PREP: variants seen among roughly 807,000 people sequenced by gnomAD.
PREP encodes prolyl endopeptidase.
Under a neutral mutation model 87.6 loss-of-function variants are expected in PREP, and 29 were observed. The ratio of observed to expected loss-of-function variants is 0.33; its 90% CI spans 0.25 to 0.45. PREP has a LOEUF of 0.45. Ranked by LOEUF, PREP falls within the 20% of genes least tolerant of loss-of-function variation. The probability of loss-of-function intolerance (pLI) is 1.00; values close to 1 mark genes in which losing one functional copy is unlikely to be tolerated. For missense variants in PREP, 695 were observed against 886.5 expected, an observed-to-expected ratio of 0.78 and a Z score of 2.74; for synonymous variants, 337 against 328.6, an observed-to-expected ratio of 1.03 and a Z score of -0.28.
In PREP at chr6:105,376,264, C is replaced by G; in HGVS notation, c.255-9G>C. The G allele has an allele frequency of 6.2e-7, 1 of 1,611,344 alleles. No individual in the cohort carries two copies. The highest frequency in any genetic ancestry group is 8.5e-7 in the Non-Finnish European group (1 of 1,178,726). ...TGTAAAAATAAAAATACCTGGGGAA[C>G]AGAGATGGTCTTTATTCAGCTGTGG... On this transcript the variant is annotated splice_polypyrimidine_tract_variant and intron_variant, in intron 3 of 14. Transcript: ENST00000652536.
At chr6:105,284,304 C>T (rs964361611) in intron 12 of PREP, among the ~76,000 whole-genome samples, 1 of 152,148 alleles carries the variant, frequency 6.6e-6, no homozygotes, top group Non-Finnish European at 1.5e-5. Context: ...AGTCTGCTGT[C>T]AGCCCCTGGG....
At chr6:105,384,018 G>A (rs945507288) in intron 2 of PREP, among the ~76,000 whole-genome samples, 1 of 152,140 alleles carries the variant, frequency 6.6e-6, no homozygotes, top group African/African-American at 2.4e-5. Flanking sequence ...GAAGAAATAA[G>A]AAAAACAAGA....
In PREP at chr6:105,339,408, A is replaced by G. The variant is rs891324084; in HGVS notation, c.824-5903T>C. ...CACCATCATCAAAGACAAAAGGTAGATAAAACCACAAAGATGGGGAGAAAC... is the reference window on the plus strand; with the variant it reads ...CACCATCATCAAAGACAAAAGGTAGGTAAAACCACAAAGATGGGGAGAAAC... On this transcript the variant is annotated intron_variant, in intron 7 of 14. Transcript: ENST00000652536. 1.4e-4 allele frequency among the ~76,000 whole-genome samples: 21 copies of G among 150,466 alleles called. 1 individual carries two copies. Among genetic ancestry groups the G allele is most frequent in the Admixed American group, 4.6e-4 (7 of 15,092 alleles).
At chr6:105,338,742 C>T (rs1219262881) in intron 7 of PREP, among the ~76,000 whole-genome samples, 1 of 152,236 alleles carries the variant, frequency 6.6e-6, no homozygotes, top group African/African-American at 2.4e-5. Flanking sequence ...GAGATTATAT[C>T]CCGCCCCTGG....
At chr6:105,366,522 G>A (rs1772388055) in intron 6 of PREP, among the ~76,000 whole-genome samples, 1 of 152,206 alleles carries the variant, frequency 6.6e-6, no homozygotes, top group African/African-American at 2.4e-5. Context: ...TGAAAGAATG[G>A]TAGAAGGATC....
intron 2 of PREP, among the ~76,000 whole-genome samples, chr6:105,393,589 C>A (rs1305718301): frequency 1.3e-5 from 2 of 152,110 alleles, no homozygotes; most frequent in African/African-American, 2.4e-5. Flanking sequence ...GCAGCGCTGT[C>A]CAGTAGATAC....
At chr6:105,330,537 G>T (rs1208432048) in intron 8 of PREP, among the ~76,000 whole-genome samples, 1 of 152,098 alleles carries the variant, frequency 6.6e-6, no homozygotes, top group Admixed American at 6.5e-5. Flanking sequence ...AAAACGAAGG[G>T]CAAGCACAGA....
rs746241622 is a variant in PREP at position 105,376,271 on chromosome 6, G to A, written c.255-16C>T. On this transcript the variant is annotated splice_polypyrimidine_tract_variant and intron_variant, in intron 3 of 14. Coordinates refer to ENST00000652536, the MANE Select transcript of PREP (RefSeq NM_002726.5). The stretch of plus-strand genomic sequence containing the variant: ...ATAAAAATACCTGGGGAACAGAGAT[G>A]GTCTTTATTCAGCTGTGGAGTTTTC... The A allele has an allele frequency of 1.2e-6, 2 of 1,610,142 alleles. No individual in the cohort carries two copies. The highest frequency in any genetic ancestry group is 1.1e-5 in the South Asian group (1 of 90,414).
chr6:105,376,401 GGGT>G lies in PREP; in HGVS notation c.255-149_255-147del. 6.0e-6 allele frequency: 5 copies of G among 832,960 alleles called. No individual in the cohort carries two copies. In the South Asian group the frequency reaches 1.0e-4, roughly 17 times the overall value. The allele number at this position is 832,960 out of a possible 1,614,324, so 51.6% of individuals were successfully genotyped here. ...GGCCATCGCAGGGACGTGGGGACAT[GGGT>G]GAAAGGTTCCATCATTTCTCTCTAC... On this transcript the variant is annotated intron_variant, in intron 3 of 14. Coordinates refer to ENST00000652536, the MANE Select transcript of PREP (RefSeq NM_002726.5).
At chr6:105,402,786 G>A (rs1675493721) in intron 1 of PREP, 61 bp downstream of exon 1, 3 of 1,446,364 alleles carry the variant, frequency 2.1e-6, no homozygotes, top group Admixed American at 2.1e-5. Context: ...CGGGTGCCAC[G>A]GGTCAGGCAG....
intron 10 of PREP, 77 bp downstream of exon 10, chr6:105,323,588 T>A (rs1771073502): frequency 7.8e-7 from 1 of 1,286,144 alleles, no homozygotes; most frequent in Non-Finnish European, 1.1e-6. Flanking sequence ...CTGCTTCTGA[T>A]AAGCTACAGT....
intron 10 of PREP, among the ~76,000 whole-genome samples, chr6:105,289,894 A>G (rs1157358615): frequency 1.3e-5 from 2 of 152,130 alleles, no homozygotes; most frequent in Non-Finnish European, 1.5e-5. Context: ...TTTTTAAGGT[A>G]GCAGTTCTGT....
intron 7 of PREP, among the ~76,000 whole-genome samples, chr6:105,341,248 C>G (rs927901214): frequency 2.0e-5 from 3 of 152,180 alleles, no homozygotes; most frequent in African/African-American, 7.2e-5. Flanking sequence ...CAAAACTGCT[C>G]AACTACATGG....
intron 3 of PREP, among the ~76,000 whole-genome samples, chr6:105,377,116 T>C (rs1028786878): frequency 6.6e-6 from 1 of 152,192 alleles, no homozygotes; most frequent in Non-Finnish European, 1.5e-5. Context: ...AATCATCCTA[T>C]CTCACCAATT....
intron 2 of PREP, among the ~76,000 whole-genome samples, chr6:105,396,428 G>T (rs964981894): frequency 6.6e-6 from 1 of 152,162 alleles, no homozygotes; most frequent in Admixed American, 6.5e-5. Context: ...ATGATCATGT[G>T]GTTTACTCCC....
intron 2 of PREP, among the ~76,000 whole-genome samples, chr6:105,395,043 TAG>T (rs2114734574): frequency 6.6e-6 from 1 of 152,322 alleles, no homozygotes; most frequent in East Asian, 1.9e-4. Context: ...CCTGATGAAA[TAG>T]TATCACTATT....
At chr6:105,327,604 A>C (rs1771200882) in intron 9 of PREP, among the ~76,000 whole-genome samples, 1 of 152,204 alleles carries the variant, frequency 6.6e-6, no homozygotes, top group South Asian at 2.1e-4. Context: ...GTGATGAGAC[A>C]TCACTGTCAA....
intron 10 of PREP, among the ~76,000 whole-genome samples, chr6:105,308,037 G>A (rs1770688911): frequency 1.3e-5 from 2 of 152,114 alleles, no homozygotes; most frequent in African/African-American, 4.8e-5. Flanking sequence ...ATGGGGCACG[G>A]TGACTTCTGG....
intron 6 of PREP, among the ~76,000 whole-genome samples, chr6:105,361,458 T>C (rs1049137973): frequency 3.3e-5 from 5 of 152,114 alleles, no homozygotes; most frequent in Non-Finnish European, 7.4e-5. Flanking sequence ...TCTTAGAACC[T>C]AACCAAAAAA....
Sources: gnomAD v4.1 joint callset for allele counts (sites outside exome capture counted in the v4.1 genomes callset) on GRCh38, gnomAD v4.1.1 for gene constraint, MANE v1.5 for transcripts, NCBI Gene and HGNC (gene_info 2026-07-23, HGNC 2026-07-21) for gene names.